Variants in TELO2 observed in about 807,000 individuals in gnomAD.
TELO2 encodes the protein telomere maintenance 2.
TELO2 carries 71 observed loss-of-function variants against 91.0 expected under a neutral mutation model. The ratio of observed to expected loss-of-function variants is 0.78; its 90% CI spans 0.64 to 0.95. The LOEUF is 0.95. Ranked by LOEUF, TELO2 falls within the 40% of genes least tolerant of loss-of-function variation. The pLI, the probability that TELO2 is intolerant of heterozygous loss-of-function variation, is 0.00. For synonymous variants in TELO2, 584 were observed against 518.9 expected, an observed-to-expected ratio of 1.13 and a Z score of -1.71; for missense variants, 1,183 against 1,141.3, an observed-to-expected ratio of 1.04 and a Z score of -0.53.
intron 5 of TELO2, 107 bp from the exon 6 acceptor site, chr16:1,499,124 G>A (rs1287850443): frequency 9.1e-6 from 10 of 1,102,130 alleles, no homozygotes; most frequent in African/African-American, 1.5e-5. Context: ...GCTAGGAATT[G>A]GCAGGCCGGG....
rs948383557 is a variant in TELO2, at chr16:1,497,581, C to T, written c.830+73C>T. 31 of 1,477,228 alleles carry T rather than the reference C, an allele frequency of 2.1e-5. No individual in the cohort carries two copies. The East Asian group carries it at 4.0e-4, about 19-fold the overall frequency. 91.5% of individuals were successfully genotyped at this position (1,477,228 alleles called of 1,614,324 possible). A position where few individuals can be genotyped will look rare whatever the true frequency, so the allele number is the denominator to read the frequency against. On this transcript the variant is annotated intron_variant, in intron 5 of 20. Transcript: ENST00000262319. The surrounding 1 kb of genome is among the most constrained non-coding windows in gnomAD (Gnocchi z 4.0). ...ACCCCCAGAGGCTGCCATTCCTTCA[C>T]GCTACTTCTCCTGGGCGCCGTGCTG...
At chr16:1,499,411 G>T in intron 6 of TELO2, 78 bp downstream of exon 6, 2 of 1,499,656 alleles carry the variant, frequency 1.3e-6, no homozygotes, top group Non-Finnish European at 1.9e-6. Context: ...GGGTCGGAGC[G>T]GTGTCTGCTG....
At position 1,499,354 on chromosome 16, in the gene TELO2, G is replaced by A. The variant is rs201783779; in HGVS notation, c.933+21G>A. ...TCACGGTGAGGACGCCACGGAGGGT[G>A]CAGGCTGCTGGCTGCCCCATCACAG... On this transcript the variant is annotated intron_variant, in intron 6 of 20. Transcript: ENST00000262319. 7.8e-5 allele frequency: 126 copies of A among 1,612,200 alleles called. 1 individual carries two copies. In the East Asian group the frequency reaches 2.5e-3, roughly 32 times the overall value.
intron 20 of TELO2, 95 bp downstream of exon 20, chr16:1,507,811 GGTGTGT>G (rs143327685): frequency 4.4e-5 from 39 of 879,602 alleles, no homozygotes; most frequent in Non-Finnish European, 5.2e-5. Flanking sequence ...GTCGGCCCGG[GGTGTGT>G]GTGTGTGTGT....
intron 12 of TELO2, 89 bp downstream of exon 12, chr16:1,502,224 C>G: frequency 2.5e-6 from 4 of 1,580,986 alleles, no homozygotes; most frequent in Non-Finnish European, 3.4e-6. Flanking sequence ...CCGGGAAGCC[C>G]TGGGCCCGGG....
intron 9 of TELO2, among the ~76,000 whole-genome samples, chr16:1,501,174 G>A (rs572332433): frequency 1.1e-4 from 16 of 152,346 alleles, no homozygotes; most frequent in Non-Finnish European, 1.9e-4. Flanking sequence ...ATTGGCCTTG[G>A]GGGAGGCCCA....
chr16:1,501,174 G>C lies in TELO2; in HGVS notation c.1282-246G>C, dbSNP rs572332433. On this transcript the variant is annotated intron_variant, in intron 9 of 20. Coordinates refer to ENST00000262319, the MANE Select transcript of TELO2 (RefSeq NM_016111.4). ...GGATCTCTCTGGGGCATTGGCCTTGGGGGAGGCCCAGCTCCTTCGAGAGGG... is the reference window on the plus strand; with the variant it reads ...GGATCTCTCTGGGGCATTGGCCTTGCGGGAGGCCCAGCTCCTTCGAGAGGG... Among the ~76,000 whole-genome samples, 3 of 152,346 alleles carry C rather than the reference G, an allele frequency of 2.0e-5. No homozygotes were observed. The South Asian group carries it at 6.2e-4, about 32-fold the overall frequency.
chr16:1,498,252 C>T (rs1046360815), intron 5 of TELO2, among the ~76,000 whole-genome samples: 1 of 152,050 alleles, frequency 6.6e-6, no homozygotes, highest in Admixed American at 6.6e-5. Flanking sequence ...TGGCCTCAAG[C>T]AATCCACCCA....
intron 11 of TELO2, 120 bp from the exon 12 acceptor site, chr16:1,501,927 T>C (rs1028571044): frequency 1.7e-5 from 25 of 1,479,248 alleles, no homozygotes; most frequent in Non-Finnish European, 2.3e-5. Flanking sequence ...AGCTCCACCG[T>C]AGGCGCAGGG....
intron 3 of TELO2, 96 bp from the exon 4 acceptor site, chr16:1,496,940 T>G: frequency 7.9e-7 from 1 of 1,262,780 alleles, no homozygotes; most frequent in Non-Finnish European, 1.1e-6. Context: ...TGCTGTCGGT[T>G]GGAGTCCGCC....
At position 1,505,704 on chromosome 16, in the gene TELO2, A is replaced by G; in HGVS notation, c.2034+103A>G. ...GCTGTCTGCAGCGAGGGGCGGCCAC[A>G]TTCGCTGGGGATGGTGCCTTTGCCG... On this transcript the variant is annotated intron_variant, in intron 16 of 20. Coordinates refer to ENST00000262319, the MANE Select transcript of TELO2 (RefSeq NM_016111.4). This position sits in a 1 kb window ranked among gnomAD's most constrained non-coding sequence, Gnocchi z 4.3. 7.4e-7 allele frequency: 1 copy of G among 1,353,862 alleles called. No individual in the cohort carries two copies. Among genetic ancestry groups the G allele is most frequent in the Non-Finnish European group, 9.9e-7 (1 of 1,005,372 alleles). 83.9% of individuals were successfully genotyped at this position (1,353,862 alleles called of 1,614,324 possible).
intron 9 of TELO2, 60 bp from the exon 10 acceptor site, chr16:1,501,360 C>G: frequency 1.3e-6 from 2 of 1,557,444 alleles, no homozygotes; most frequent in Non-Finnish European, 1.7e-6. Flanking sequence ...CCCGTGGCTC[C>G]GTCTCGGGGA....
chr16:1,506,894 GGTT>G, intron 17 of TELO2, 55 bp from the exon 18 acceptor site: 1 of 1,519,392 alleles, frequency 6.6e-7, no homozygotes, highest in African/African-American at 1.4e-5. Context: ...TGGCCCAGGA[GGTT>G]GGGGACCTGG....
intron 14 of TELO2, 70 bp from the exon 15 acceptor site, chr16:1,502,861 A>G (rs954460821): frequency 2.9e-5 from 46 of 1,603,116 alleles, no homozygotes; most frequent in Middle Eastern, 1.6e-4. Flanking sequence ...GCTGGCTGTG[A>G]GGTGCCCGGA....
rs374682854 is a variant in TELO2 at position 1,501,717 on chromosome 16, C to T, written c.1416C>T (p.Ile472=). Residue 472 remains isoleucine (I), a synonymous_variant, in exon 11 of 21, where the codon ATC becomes ATT. Transcript: ENST00000262319. Reference sequence around the variant, plus strand: ...CCCCTGCAGAGACCCCCGCAGAGATCGTGGATGGCGGCGTCCCCCAAGCAC... The same window carrying T: ...CCCCTGCAGAGACCCCCGCAGAGATTGTGGATGGCGGCGTCCCCCAAGCAC... The part of the protein sequence containing the change: ...AEPPAETPAE[I]VDGGVPQAQL... The T allele has an allele frequency of 9.9e-6, 16 of 1,612,384 alleles. No homozygotes were observed. Among genetic ancestry groups the T allele is most frequent in the South Asian group, 2.2e-5 (2 of 91,052 alleles).
At chr16:1,504,150 A>G (rs1215038793) in intron 15 of TELO2, among the ~76,000 whole-genome samples, 1 of 139,962 alleles carries the variant, frequency 7.1e-6, no homozygotes, top group Non-Finnish European at 1.5e-5. Context: ...AAAAAAAAAA[A>G]GCAGCCGGCC....
intron 13 of TELO2, 84 bp from the exon 14 acceptor site, chr16:1,502,561 G>GTGGC: frequency 6.5e-7 from 1 of 1,541,772 alleles, no homozygotes; most frequent in South Asian, 1.2e-5. Context: ...GCTGGGGTGG[G>GTGGC]TGGCTCCGGC....
Position 1,505,464 on chromosome 16 carries a change from C to G in TELO2, c.1897C>G (p.Pro633Ala). Residue 633 changes from proline (P) to alanine (A), a missense_variant, in exon 16 of 21, where the codon CCC becomes GCC. By Grantham distance (27) the Pro-to-Ala change is conservative (BLOSUM62 -1). Coordinates refer to ENST00000262319, the MANE Select transcript of TELO2 (RefSeq NM_016111.4). The surrounding 1 kb of genome is among the most constrained non-coding windows in gnomAD (Gnocchi z 4.3). ...LSRPGCLGRT[P>A]QPGSPSPNTP... The stretch of plus-strand genomic sequence containing the variant: ...TAGGCCTGGGTGCCTCGGGAGGACT[C>G]CCCAACCTGGCTCCCCAAGTCCCAA... The G allele has an allele frequency of 6.2e-7, 1 of 1,613,134 alleles. No individual in the cohort carries two copies. The highest frequency in any genetic ancestry group is 8.5e-7 in the Non-Finnish European group (1 of 1,180,006).
chr16:1,504,359 G>T (rs1009178351), intron 15 of TELO2, among the ~76,000 whole-genome samples: 1 of 145,346 alleles, frequency 6.9e-6, no homozygotes. Flanking sequence ...GCTTGGACCT[G>T]GGAGGCGGAG....
Sources: gnomAD v4.1 joint callset for allele counts (sites outside exome capture counted in the v4.1 genomes callset) on GRCh38, gnomAD v4.1.1 for gene constraint, Gnocchi (gnomAD v3.1) non-coding constraint, MANE v1.5 for transcripts, NCBI Gene and HGNC (gene_info 2026-07-23, HGNC 2026-07-21) for gene names.